Variants in ASXL3 observed in about 807,000 individuals in gnomAD.
ASXL3 encodes the protein putative Polycomb group protein ASXL3.
In ASXL3, 34 loss-of-function variants were observed where a neutral mutation model predicts 170.6. That is an observed-to-expected ratio of 0.20 (90% CI 0.15 to 0.27). The LOEUF (loss-of-function observed/expected upper bound fraction) is 0.27. Ranked by LOEUF, ASXL3 falls within the 10% of genes least tolerant of loss-of-function variation. The pLI is 1.00. For synonymous variants in ASXL3, 1,002 were observed against 989.1 expected, an observed-to-expected ratio of 1.01 and a Z score of -0.24; for missense variants, 2,592 against 2,695.3, an observed-to-expected ratio of 0.96 and a Z score of 0.85.
Position 33,656,454 on chromosome 18 carries a change from C to T in ASXL3, c.356-5162C>T, listed in dbSNP as rs2066085869. On this transcript the variant is annotated intron_variant, in intron 4 of 11. Transcript: ENST00000269197. Reference sequence around the variant, plus strand: ...TTACTTATTGGGTGGCTCAGTGGGACAGAGAGCAATTAATAGTACACAATA... The same window carrying T: ...TTACTTATTGGGTGGCTCAGTGGGATAGAGAGCAATTAATAGTACACAATA... Among the ~76,000 whole-genome samples the T allele has an allele frequency of 2.0e-5, 3 of 152,026 alleles. 1 individual carries two copies. The highest frequency in any genetic ancestry group is 4.1e-4 in the South Asian group (2 of 4,828).
chr18:33,654,134 TTCATC>T (rs2066046109), intron 4 of ASXL3, among the ~76,000 whole-genome samples: 1 of 152,030 alleles, frequency 6.6e-6, no homozygotes, highest in Non-Finnish European at 1.5e-5. Flanking sequence ...TAAGCATACT[TTCATC>T]TCTCTTCTTG....
At chr18:33,665,911 G>A (rs1415049117) in intron 5 of ASXL3, among the ~76,000 whole-genome samples, 1 of 152,130 alleles carries the variant, frequency 6.6e-6, no homozygotes, top group African/African-American at 2.4e-5. Context: ...GACTGCATTA[G>A]CTATGTTGTG....
chr18:33,708,964 A>G lies in ASXL3; in HGVS notation c.880-23004A>G, dbSNP rs1190816829. 1.9e-4 allele frequency among the ~76,000 whole-genome samples: 29 copies of G among 152,196 alleles called. 1 individual carries two copies. The highest frequency in any genetic ancestry group is 1.4e-3 in the Admixed American group (22 of 15,278). ...TCATTAATGCTAATAATTTCTATCA[A>G]TTGGGAAAACATACATGAGGTAGCT... On this transcript the variant is annotated intron_variant, in intron 8 of 11. Coordinates refer to ENST00000269197, the MANE Select transcript of ASXL3 (RefSeq NM_030632.3).
intron 8 of ASXL3, among the ~76,000 whole-genome samples, chr18:33,709,551 T>C (rs1400760438): frequency 6.6e-6 from 1 of 152,170 alleles, no homozygotes; most frequent in Non-Finnish European, 1.5e-5. Flanking sequence ...ACTGTGTAAT[T>C]CCATTTTTAT....
intron 5 of ASXL3, among the ~76,000 whole-genome samples, chr18:33,669,343 A>G (rs1661686912): frequency 6.6e-6 from 1 of 152,198 alleles, no homozygotes; most frequent in South Asian, 2.1e-4. Flanking sequence ...TCTCCCATAT[A>G]TAGTACCTGG....
intron 1 of ASXL3, among the ~76,000 whole-genome samples, chr18:33,581,472 A>AGAGTGT (rs1555715411): frequency 6.9e-6 from 1 of 145,206 alleles, no homozygotes; most frequent in African/African-American, 2.5e-5. Flanking sequence ...TGCTGGAGTG[A>AGAGTGT]GTGTGTGTGT....
intron 5 of ASXL3, among the ~76,000 whole-genome samples, chr18:33,668,701 T>C (rs2066296404): frequency 6.6e-6 from 1 of 152,128 alleles, no homozygotes; most frequent in Non-Finnish European, 1.5e-5. Flanking sequence ...ATTATGGTTT[T>C]CTTCTGTCTG....
At chr18:33,727,472 A>C (rs2067370901) in intron 8 of ASXL3, among the ~76,000 whole-genome samples, 1 of 152,122 alleles carries the variant, frequency 6.6e-6, no homozygotes, top group Non-Finnish European at 1.5e-5. Context: ...TACCAAAGAC[A>C]AATGATATAC....
At chr18:33,742,617 G>A (rs1343695709) in intron 11 of ASXL3, among the ~76,000 whole-genome samples, 2 of 152,172 alleles carry the variant, frequency 1.3e-5, no homozygotes, top group Non-Finnish European at 2.9e-5. Context: ...TTTGTATGAT[G>A]CATTAAGAAG....
rs2067697204 is a variant in ASXL3, at chr18:33,743,253, A to G, written c.3405A>G (p.Ser1135=). 6.2e-7 allele frequency: 1 copy of G among 1,613,748 alleles called. No homozygotes were observed. The highest frequency in any genetic ancestry group is 1.3e-5 in the African/African-American group (1 of 74,934). Residue 1135 remains serine (S), a synonymous_variant, in exon 12 of 12, where the codon TCA becomes TCG. Coordinates refer to ENST00000269197, the MANE Select transcript of ASXL3 (RefSeq NM_030632.3). Reference sequence around the variant, plus strand: ...CCCGGTTGCCTCCTCCGCTCAGCTCAAAGGAAGGGCCTCCAAACTTAGAAG... The same window carrying G: ...CCCGGTTGCCTCCTCCGCTCAGCTCGAAGGAAGGGCCTCCAAACTTAGAAG... ...KETRLPPPLS[S]KEGPPNLEVS...
At position 33,721,843 on chromosome 18, in the gene ASXL3, T is replaced by C. The variant is rs573205041; in HGVS notation, c.880-10125T>C. Among the ~76,000 whole-genome samples, 7 of 152,202 alleles carry C rather than the reference T, an allele frequency of 4.6e-5. No homozygotes were observed. The East Asian group carries it at 1.4e-3, about 29-fold the overall frequency. On this transcript the variant is annotated intron_variant, in intron 8 of 11. Coordinates refer to ENST00000269197, the MANE Select transcript of ASXL3 (RefSeq NM_030632.3). ...TGGAGGCAACCCTGCACTGAGCAAG[T>C]CTATGGGCATCATTCCATTTTTCCA...
At chr18:33,663,692 A>G (rs2066213808) in intron 5 of ASXL3, among the ~76,000 whole-genome samples, 1 of 152,132 alleles carries the variant, frequency 6.6e-6, no homozygotes. Flanking sequence ...ATATGTAGCA[A>G]ATATGCTAAT....
At chr18:33,603,150 G>A (rs556999681) in intron 1 of ASXL3, among the ~76,000 whole-genome samples, 1 of 151,938 alleles carries the variant, frequency 6.6e-6, no homozygotes, top group East Asian at 1.9e-4. Flanking sequence ...TTTTATTTTG[G>A]GCCAGAAGGG....
At position 33,741,173 on chromosome 18, in the gene ASXL3, C is replaced by T. The variant is rs537034270; in HGVS notation, c.3039+730C>T. 2.3e-4 allele frequency among the ~76,000 whole-genome samples: 35 copies of T among 151,970 alleles called. 1 individual carries two copies. In the South Asian group the frequency reaches 5.2e-3, roughly 23 times the overall value. On this transcript the variant is annotated intron_variant, in intron 11 of 11. Coordinates refer to ENST00000269197, the MANE Select transcript of ASXL3 (RefSeq NM_030632.3). Reference sequence around the variant, plus strand: ...AAAACTTACTATGCATTTTAATTTCCGAAGCAATAGAAATAATAATATAAA... The same window carrying T: ...AAAACTTACTATGCATTTTAATTTCTGAAGCAATAGAAATAATAATATAAA...
chr18:33,666,550 C>T (rs886300526), intron 5 of ASXL3, among the ~76,000 whole-genome samples: 3 of 152,062 alleles, frequency 2.0e-5, no homozygotes, highest in African/African-American at 7.2e-5. Context: ...TTATAATATC[C>T]AGGCTGTGAG....
chr18:33,678,004 C>T (rs1025360065), intron 7 of ASXL3, among the ~76,000 whole-genome samples: 10 of 152,302 alleles, frequency 6.6e-5, no homozygotes, highest in Middle Eastern at 6.8e-3. Context: ...ACCCTTCTGC[C>T]TCATCTTCCC....
Position 33,713,265 on chromosome 18 carries a change from T to TG in ASXL3, c.880-18703_880-18702insG, listed in dbSNP as rs1568343580. 3.3e-5 allele frequency among the ~76,000 whole-genome samples: 4 copies of TG among 121,270 alleles called. 1 individual carries two copies. Among genetic ancestry groups the TG allele is most frequent in the African/African-American group, 9.9e-5 (3 of 30,362 alleles). The allele number at this position is 121,270 out of a possible 152,430, so 79.6% of individuals were successfully genotyped here. ...TTTGTTTTGTTTTTTTTTTTTTTTT[T>TG]TTTTTTTTTGAGACAGGGTCTTACC... On this transcript the variant is annotated intron_variant, in intron 8 of 11. Transcript: ENST00000269197.
intron 4 of ASXL3, among the ~76,000 whole-genome samples, chr18:33,650,851 CA>C (rs2065986637): frequency 6.6e-6 from 1 of 152,104 alleles, no homozygotes; most frequent in African/African-American, 2.4e-5. Flanking sequence ...TATTGCAAAC[CA>C]CAATTGCATC....
intron 7 of ASXL3, among the ~76,000 whole-genome samples, chr18:33,680,686 A>T (rs953546579): frequency 6.6e-6 from 1 of 151,992 alleles, no homozygotes; most frequent in Non-Finnish European, 1.5e-5. Context: ...TATTCCTTAT[A>T]CACTTAAGGA....
Sources: allele counts gnomAD v4.1 joint callset (sites outside exome capture counted in the v4.1 genomes callset), GRCh38; gene constraint gnomAD v4.1.1; transcripts MANE v1.5; gene names NCBI Gene and HGNC (gene_info 2026-07-23, HGNC 2026-07-21).